DNAH12: variants seen among roughly 807,000 people sequenced by gnomAD.
The protein encoded by DNAH12 is axonemal beta dynein heavy chain 12.
DNAH12 carries 285 observed loss-of-function variants against 371.5 expected under a neutral mutation model. The observed-to-expected ratio is 0.77, with a 90% CI of 0.70 to 0.85. The LOEUF (loss-of-function observed/expected upper bound fraction) is 0.85, where lower values mean the gene tolerates loss of function less well. Among genes scored for constraint, DNAH12 ranks in the 40% least tolerant of loss-of-function variants. The pLI, the probability that DNAH12 is intolerant of heterozygous loss-of-function variation, is 0.00. For synonymous variants in DNAH12, 1,200 were observed against 1,213.0 expected (o/e 0.99, Z 0.22); for missense variants, 3,611 against 3,689.4 (o/e 0.98, Z 0.55).
rs1160170874 is a variant in DNAH12, at chr3:57,520,535, C to T, written c.279+3048G>A. ...TCGGCTCACTGCAAGCTCCGCCTCC[C>T]GGGTTGACGCCATTCTCCTGCCTCA... On this transcript the variant is annotated intron_variant, in intron 4 of 73. Transcript: ENST00000495027. 2.0e-5 allele frequency among the ~76,000 whole-genome samples: 3 copies of T among 151,702 alleles called. No homozygotes were observed. In the East Asian group the frequency reaches 5.8e-4, roughly 29 times the overall value.
At chr3:57,479,249 A>G (rs1040960374) in intron 13 of DNAH12, among the ~76,000 whole-genome samples, 4 of 152,122 alleles carry the variant, frequency 2.6e-5, no homozygotes. Context: ...ATGGAAAACA[A>G]AAAAAGGCAG....
intron 70 of DNAH12, among the ~76,000 whole-genome samples, chr3:57,299,733 G>A (rs2061307520): frequency 6.6e-6 from 1 of 152,126 alleles, no homozygotes; most frequent in Non-Finnish European, 1.5e-5. Flanking sequence ...CGTGAACCAG[G>A]AGAGCTGTCA....
intron 42 of DNAH12, among the ~76,000 whole-genome samples, chr3:57,404,761 C>G (rs143800188): frequency 6.6e-6 from 1 of 152,192 alleles, no homozygotes; most frequent in Non-Finnish European, 1.5e-5. Flanking sequence ...TTTCTTTTCA[C>G]TACTACTCGT....
At chr3:57,452,152 C>T (rs1004797214) in intron 25 of DNAH12, among the ~76,000 whole-genome samples, 4 of 152,020 alleles carry the variant, frequency 2.6e-5, no homozygotes, top group Non-Finnish European at 4.4e-5. Context: ...AGTCTGGTAC[C>T]GATACAGATA....
chr3:57,487,221 A>T (rs766160770), intron 12 of DNAH12, among the ~76,000 whole-genome samples: 4 of 151,018 alleles, frequency 2.6e-5, no homozygotes, highest in Non-Finnish European at 4.4e-5. Context: ...GGATCACTTG[A>T]GTCCAGGAGT....
intron 66 of DNAH12, among the ~76,000 whole-genome samples, chr3:57,313,836 T>G (rs2061630962): frequency 6.6e-6 from 1 of 152,088 alleles, no homozygotes; most frequent in Admixed American, 6.5e-5. Context: ...AAAGAATCTC[T>G]TTGAATGTGG....
intron 53 of DNAH12, among the ~76,000 whole-genome samples, 160 bp downstream of exon 53, chr3:57,376,821 C>T (rs1375456056): frequency 6.6e-6 from 1 of 152,178 alleles, no homozygotes; most frequent in Non-Finnish European, 1.5e-5. Context: ...ATCCTCAAGA[C>T]TGATATCCTT....
chr3:57,424,980 A>C (rs1477250115), intron 35 of DNAH12, 42 bp downstream of exon 35: 1 of 682,924 alleles, frequency 1.5e-6, no homozygotes, highest in Non-Finnish European at 2.6e-6. Flanking sequence ...CCAGAAGCAT[A>C]ATTTATTTAT....
At position 57,427,814 on chromosome 3, in the gene DNAH12, G is replaced by A. The variant is rs184515941; in HGVS notation, c.5253+819C>T. Among the ~76,000 whole-genome samples, 38 of 152,258 alleles carry A rather than the reference G, an allele frequency of 2.5e-4. No homozygotes were observed. The East Asian group carries it at 7.3e-3, about 29-fold the overall frequency. Reference sequence around the variant, plus strand: ...AGAATCTGGACAAGGTAAGAAAAGAGTCTCCCTTAGAGCTTCCAAGGAAGT... The same window carrying A: ...AGAATCTGGACAAGGTAAGAAAAGAATCTCCCTTAGAGCTTCCAAGGAAGT... On this transcript the variant is annotated intron_variant, in intron 34 of 73. Coordinates refer to ENST00000495027, the MANE Select transcript of DNAH12 (RefSeq NM_001366028.2).
intron 62 of DNAH12, among the ~76,000 whole-genome samples, chr3:57,332,536 G>T (rs1195886430): frequency 1.3e-5 from 2 of 152,298 alleles, no homozygotes; most frequent in East Asian, 1.9e-4. Context: ...CTTCTTGGAG[G>T]TATGCTAGAC....
At chr3:57,302,529 G>GTTTATATATATACATATA (rs879293648) in intron 69 of DNAH12, among the ~76,000 whole-genome samples, 1 of 47,850 alleles carries the variant, frequency 2.1e-5, no homozygotes, top group Non-Finnish European at 3.4e-5. Context: ...GGCATCAGGT[G>GTTTATATATATACATATA]TATATATATA....
chr3:57,453,493 T>C (rs2065816925), intron 23 of DNAH12, 90 bp from the exon 24 acceptor site: 1 of 1,158,354 alleles, frequency 8.6e-7, no homozygotes, highest in East Asian at 2.8e-5. Flanking sequence ...AAAACAATTC[T>C]GACTTCTTAA....
intron 43 of DNAH12, among the ~76,000 whole-genome samples, chr3:57,397,603 G>A (rs1256395186): frequency 6.6e-6 from 1 of 152,304 alleles, no homozygotes; most frequent in East Asian, 1.9e-4. Flanking sequence ...AGTTCTACTG[G>A]CAGGCACCAG....
intron 20 of DNAH12, 108 bp downstream of exon 20, chr3:57,459,484 A>G (rs2065992624): frequency 2.7e-6 from 3 of 1,095,096 alleles, no homozygotes; most frequent in Admixed American, 3.5e-5. Flanking sequence ...TCCAGTTTGT[A>G]TACAATGAGC....
At chr3:57,415,332 T>C in intron 38 of DNAH12, 94 bp downstream of exon 38, 1 of 1,440,962 alleles carries the variant, frequency 6.9e-7, no homozygotes, top group Admixed American at 2.9e-5. Flanking sequence ...ATTCATAGAT[T>C]TACACAGTTG....
chr3:57,322,199 A>G (rs944378882), intron 65 of DNAH12, 144 bp downstream of exon 65: 3 of 856,692 alleles, frequency 3.5e-6, no homozygotes, highest in Non-Finnish European at 5.1e-6. Flanking sequence ...CAAGATAAGT[A>G]CAATTTTTGT....
At chr3:57,312,318 T>C (rs1290362643) in intron 66 of DNAH12, among the ~76,000 whole-genome samples, 1 of 152,130 alleles carries the variant, frequency 6.6e-6, no homozygotes, top group Non-Finnish European at 1.5e-5. Flanking sequence ...GTCTCTTCTT[T>C]GGGGGAGGGG....
chr3:57,381,622 C>T (rs1559602126), intron 50 of DNAH12, among the ~76,000 whole-genome samples: 2 of 152,098 alleles, frequency 1.3e-5, no homozygotes, highest in Non-Finnish European at 2.9e-5. Context: ...GAATTCCACA[C>T]ATGTTAAATA....
In DNAH12 at chr3:57,530,733, T is replaced by C. The variant is rs115251800; in HGVS notation, c.171-6849A>G. On this transcript the variant is annotated intron_variant, in intron 2 of 73. Coordinates refer to ENST00000495027, the MANE Select transcript of DNAH12 (RefSeq NM_001366028.2). Reference sequence around the variant, plus strand: ...GTTATTGGACACACTGTAGACAACATTGATGATCCTTGTTTTGCACCTACA... The same window carrying C: ...GTTATTGGACACACTGTAGACAACACTGATGATCCTTGTTTTGCACCTACA... 8.9e-3 allele frequency: 2,554 copies of C among 287,924 alleles called. 65 individuals carry two copies. The highest frequency in any genetic ancestry group is 0.05 in the African/African-American group (2,314 of 46,352). The allele number at this position is 287,924 out of a possible 1,614,324, so 17.8% of individuals were successfully genotyped here.
Sources: gnomAD v4.1 joint callset for allele counts (sites outside exome capture counted in the v4.1 genomes callset) on GRCh38, gnomAD v4.1.1 for gene constraint, MANE v1.5 for transcripts, NCBI Gene and HGNC (gene_info 2026-07-23, HGNC 2026-07-21) for gene names.